Variants in CENPW observed in about 807,000 individuals in gnomAD.
The protein encoded by CENPW is cancer-up-regulated gene 2 protein.
In CENPW, 3 loss-of-function variants were observed where a neutral mutation model predicts 11.1. That is an observed-to-expected ratio of 0.27 (90% CI 0.12 to 0.70). The LOEUF (loss-of-function observed/expected upper bound fraction) is 0.70. CENPW is among the 30% of genes least tolerant of loss of function. The pLI, the probability that CENPW is intolerant of heterozygous loss-of-function variation, is 0.77. For missense variants in CENPW, 100 were observed against 105.6 expected (o/e 0.95, Z 0.23); for synonymous variants, 38 against 42.0 (o/e 0.91, Z 0.37).
chr6:126,455,697 A>T, the CENPW span, among the ~76,000 whole-genome samples: 1 of 151,442 alleles, frequency 6.6e-6, no homozygotes, highest in Admixed American at 6.6e-5. Flanking sequence ...CCTCTTCAAC[A>T]TAGTAATGGA....
At chr6:126,363,820 C>G in the CENPW span, among the ~76,000 whole-genome samples, 12 of 152,298 alleles carry the variant, frequency 7.9e-5, no homozygotes, top group Non-Finnish European at 1.6e-4. Context: ...TGTTTCTAAA[C>G]AGGATGGATT....
chr6:126,415,297 C>G, the CENPW span, among the ~76,000 whole-genome samples: 2 of 152,102 alleles, frequency 1.3e-5, no homozygotes, highest in Non-Finnish European at 2.9e-5. Context: ...TATTCACTCA[C>G]TAGATTATAA....
the CENPW span, among the ~76,000 whole-genome samples, chr6:126,357,851 C>T: frequency 7.2e-5 from 11 of 152,254 alleles, no homozygotes; most frequent in South Asian, 6.2e-4. Flanking sequence ...TCATGATCCG[C>T]CTGCCGCAGC....
chr6:126,359,222 G>T, the CENPW span, among the ~76,000 whole-genome samples: 1 of 151,832 alleles, frequency 6.6e-6, no homozygotes, highest in Non-Finnish European at 1.5e-5. Flanking sequence ...TAAGGTATTT[G>T]TGGAATTTCA....
downstream of CENPW, among the ~76,000 whole-genome samples, chr6:126,351,461 G>A (rs544200136): frequency 5.9e-5 from 9 of 152,152 alleles, no homozygotes; most frequent in Admixed American, 1.3e-4. Flanking sequence ...TTTCTGTGTC[G>A]TCTGGGGTGT....
the CENPW span, among the ~76,000 whole-genome samples, chr6:126,428,221 C>T: frequency 1.3e-5 from 2 of 152,172 alleles, no homozygotes; most frequent in Admixed American, 1.3e-4. Flanking sequence ...TTCTTAGGTG[C>T]TAAACCCACT....
At chr6:126,371,587 T>C in the CENPW span, among the ~76,000 whole-genome samples, 8 of 152,222 alleles carry the variant, frequency 5.3e-5, no homozygotes, top group East Asian at 1.9e-4. Context: ...ATTAGGGTGA[T>C]ACTGGCTTCA....
At chr6:126,378,758 T>TA in the CENPW span, among the ~76,000 whole-genome samples, 1 of 152,182 alleles carries the variant, frequency 6.6e-6, no homozygotes, top group Non-Finnish European at 1.5e-5. Flanking sequence ...CAGACATGTT[T>TA]ATGTGACAAT....
chr6:126,464,585 C>T, the CENPW span, among the ~76,000 whole-genome samples: 1 of 152,112 alleles, frequency 6.6e-6, no homozygotes, highest in Non-Finnish European at 1.5e-5. Flanking sequence ...CTGGATGCTT[C>T]CTGCCCTCGA....
chr6:126,428,191 A>T, the CENPW span, among the ~76,000 whole-genome samples: 1 of 152,210 alleles, frequency 6.6e-6, no homozygotes, highest in African/African-American at 2.4e-5. Context: ...CATATATTAC[A>T]CATGTATCTT....
the CENPW span, among the ~76,000 whole-genome samples, chr6:126,396,337 A>G: frequency 1.3e-5 from 2 of 152,066 alleles, no homozygotes; most frequent in Middle Eastern, 3.2e-3. Flanking sequence ...CCACCTCCTC[A>G]GGCCCACAGG....
chr6:126,415,186 T>G, the CENPW span, among the ~76,000 whole-genome samples: 3 of 151,750 alleles, frequency 2.0e-5, no homozygotes, highest in Non-Finnish European at 4.4e-5. Flanking sequence ...GGGTTGAGTA[T>G]TCATTATGTT....
At chr6:126,388,464 G>A in the CENPW span, among the ~76,000 whole-genome samples, 1 of 151,940 alleles carries the variant, frequency 6.6e-6, no homozygotes, top group Admixed American at 6.6e-5. Context: ...GCCACATATT[G>A]TTTTTGAAGT....
chr6:126,451,736 A>G, the CENPW span, among the ~76,000 whole-genome samples: 2 of 150,946 alleles, frequency 1.3e-5, no homozygotes, highest in South Asian at 4.2e-4. Flanking sequence ...ACTTAGCTCT[A>G]CATATGGGTT....
the CENPW span, among the ~76,000 whole-genome samples, chr6:126,385,477 C>T: frequency 1.2e-4 from 18 of 152,140 alleles, no homozygotes; most frequent in East Asian, 3.1e-3. Context: ...TTGGTTGATG[C>T]AACAAGGAAT....
the CENPW span, among the ~76,000 whole-genome samples, chr6:126,423,712 A>G: frequency 6.6e-6 from 1 of 151,968 alleles, no homozygotes; most frequent in Non-Finnish European, 1.5e-5. Flanking sequence ...TTCATAGAAC[A>G]CTGCTATTGG....
the CENPW span, among the ~76,000 whole-genome samples, chr6:126,479,336 C>G: frequency 6.6e-6 from 1 of 151,908 alleles, no homozygotes; most frequent in Non-Finnish European, 1.5e-5. Flanking sequence ...GCTCCAGACC[C>G]TCAAATTTAC....
the CENPW span, among the ~76,000 whole-genome samples, chr6:126,480,894 C>A: frequency 6.6e-6 from 1 of 151,816 alleles, no homozygotes; most frequent in African/African-American, 2.4e-5. Flanking sequence ...TATATTTTAC[C>A]AGAGGTAAAA....
chr6:126,397,150 A>C, the CENPW span, among the ~76,000 whole-genome samples: 1 of 152,120 alleles, frequency 6.6e-6, no homozygotes, highest in African/African-American at 2.4e-5. Context: ...CTTGTGGCCT[A>C]GACTGCCTTT....
Sources: allele counts gnomAD v4.1 joint callset (sites outside exome capture counted in the v4.1 genomes callset), GRCh38; gene constraint gnomAD v4.1.1; transcripts MANE v1.5; gene names NCBI Gene and HGNC (gene_info 2026-07-23, HGNC 2026-07-21).